NME8: variants seen among roughly 807,000 people sequenced by gnomAD.
NME8 encodes NME/NM23 family member 8.
NME8 carries 72 observed loss-of-function variants against 82.3 expected under a neutral mutation model. The observed-to-expected ratio is 0.87, with a 90% confidence interval of 0.72 to 1.06. NME8 has a LOEUF of 1.06. Among genes scored for constraint, NME8 ranks in the 50% least tolerant of loss-of-function variants. NME8 has a pLI of 0.00. For missense variants in NME8, 712 were observed against 685.4 expected, an observed-to-expected ratio of 1.04 and a Z score of -0.43; for synonymous variants, 267 against 228.5, an observed-to-expected ratio of 1.17 and a Z score of -1.52.
intron 6 of NME8, among the ~76,000 whole-genome samples, chr7:37,860,161 T>C (rs1403549596): frequency 6.6e-6 from 1 of 152,248 alleles, no homozygotes; most frequent in Non-Finnish European, 1.5e-5. Flanking sequence ...CATTGGCTTT[T>C]GAATATGATT....
At chr7:37,863,141 T>A (rs11761783) in intron 7 of NME8, among the ~76,000 whole-genome samples, 4 of 152,076 alleles carry the variant, frequency 2.6e-5, no homozygotes, top group East Asian at 3.9e-4. Flanking sequence ...AAAAAAAATT[T>A]AAAAAATTAA....
intron 5 of NME8, among the ~76,000 whole-genome samples, chr7:37,851,251 C>T (rs1456808374): frequency 2.0e-5 from 3 of 152,184 alleles, no homozygotes; most frequent in Admixed American, 6.5e-5. Flanking sequence ...ATTAGAATTT[C>T]GTTGTCCAAC....
chr7:37,882,416 G>A (rs1432127064), intron 12 of NME8, among the ~76,000 whole-genome samples: 1 of 151,960 alleles, frequency 6.6e-6, no homozygotes, highest in African/African-American at 2.4e-5. Context: ...GAACCTGGAA[G>A]GTGGAGGTTG....
intron 12 of NME8, among the ~76,000 whole-genome samples, chr7:37,882,587 G>A (rs1784969361): frequency 1.5e-5 from 1 of 68,918 alleles, no homozygotes; most frequent in South Asian, 7.1e-4. Context: ...AAGAAAGAAA[G>A]AAAGAAAGAA....
chr7:37,863,502 T>A, intron 8 of NME8, 40 bp downstream of exon 8: 1 of 1,176,062 alleles, frequency 8.5e-7, no homozygotes, highest in Non-Finnish European at 1.3e-6. Context: ...GGGTTTTCTG[T>A]ACGTGGGCGG....
chr7:37,897,681 A>G (rs1026604016), intron 17 of NME8, among the ~76,000 whole-genome samples: 1 of 147,642 alleles, frequency 6.8e-6, no homozygotes, highest in African/African-American at 2.5e-5. Flanking sequence ...CCACCCCCCA[A>G]CAGGCCCTGA....
At chr7:37,899,134 C>T (rs983071809) in intron 17 of NME8, among the ~76,000 whole-genome samples, 2 of 152,106 alleles carry the variant, frequency 1.3e-5, no homozygotes, top group African/African-American at 2.4e-5. Flanking sequence ...GCTGATTCCT[C>T]GAAGACCTGG....
intron 5 of NME8, among the ~76,000 whole-genome samples, chr7:37,856,545 C>A (rs1784513856): frequency 6.6e-6 from 1 of 152,160 alleles, no homozygotes; most frequent in South Asian, 2.1e-4. Context: ...AAGACCCTAC[C>A]AAACGATCTC....
chr7:37,865,573 A>G lies in NME8; in HGVS notation c.577A>G (p.Thr193Ala). 1 of 1,613,604 alleles carries G rather than the reference A, an allele frequency of 6.2e-7. No individual in the cohort carries two copies. The change falls in exon 10 of 18, where the codon ACT becomes GCT. Residue 193 changes from threonine to alanine, a missense_variant. Thr to Ala is a moderately conservative substitution (Grantham distance 58). Transcript: ENST00000199447. ...IIEAEHKTVLTEEQVVNFYSR... is the reference protein window; with the variant it reads ...IIEAEHKTVLAEEQVVNFYSR... ...AGAAGCAGAGCATAAGACAGTGCTCACTGAAGAACAAGTTGTCAACTTCTA... is the reference window on the plus strand; with the variant it reads ...AGAAGCAGAGCATAAGACAGTGCTCGCTGAAGAACAAGTTGTCAACTTCTA...
intron 17 of NME8, among the ~76,000 whole-genome samples, chr7:37,898,353 A>G (rs1007881907): frequency 6.6e-6 from 1 of 152,218 alleles, no homozygotes; most frequent in Non-Finnish European, 1.5e-5. Context: ...TATTTAACCC[A>G]TCAGTTCTAT....
At chr7:37,863,187 A>G (rs1049172366) in intron 7 of NME8, among the ~76,000 whole-genome samples, 4 of 152,184 alleles carry the variant, frequency 2.6e-5, no homozygotes, top group Non-Finnish European at 5.9e-5. Flanking sequence ...CATATGCATT[A>G]TTCCTGCCCC....
At chr7:37,899,446 A>G (rs915030661) in intron 17 of NME8, among the ~76,000 whole-genome samples, 2 of 152,096 alleles carry the variant, frequency 1.3e-5, no homozygotes, top group Non-Finnish European at 2.9e-5. Context: ...CAAACACCGC[A>G]TGTTCTCACT....
chr7:37,895,960 A>G (rs570763525), intron 16 of NME8, among the ~76,000 whole-genome samples: 2 of 152,316 alleles, frequency 1.3e-5, no homozygotes, highest in East Asian at 3.9e-4. Context: ...TTGCACTACA[A>G]TGAAATAACC....
chr7:37,875,780 G>T (rs1050461735), intron 11 of NME8, among the ~76,000 whole-genome samples: 14 of 151,930 alleles, frequency 9.2e-5, no homozygotes, highest in Admixed American at 3.3e-4. Flanking sequence ...AAAAATTGTG[G>T]CCCCACCAAC....
In NME8 at chr7:37,894,607, CT is replaced by C. The variant is rs1785190301; in HGVS notation, c.1542del (p.Val515TrpfsTer7). 6.3e-7 allele frequency: 1 copy of C among 1,586,902 alleles called. No homozygotes were observed. Among genetic ancestry groups the C allele is most frequent in the Non-Finnish European group, 8.6e-7 (1 of 1,156,958 alleles). ...TATAAAGATTTATTGGAAATGTTAT[CT>C]GTGTAAGTTTCTGATACATAATTGT... ...DFYKDLLEML[S>X]VGPSMVMILT... On this transcript the variant is annotated frameshift_variant and splice_region_variant, in exon 16 of 18. Coordinates refer to ENST00000199447, the MANE Select transcript of NME8 (RefSeq NM_016616.5). LOFTEE classifies it high-confidence loss of function.
intron 7 of NME8, 135 bp downstream of exon 7, chr7:37,862,279 T>A (rs1436568897): frequency 5.7e-6 from 4 of 701,994 alleles, no homozygotes; most frequent in Non-Finnish European, 1.0e-5. Flanking sequence ...AAAAGTACAT[T>A]ACCTTTTATT....
chr7:37,894,066 G>A (rs149171214), intron 15 of NME8, among the ~76,000 whole-genome samples: 4 of 152,202 alleles, frequency 2.6e-5, no homozygotes, highest in East Asian at 3.9e-4. Flanking sequence ...TAATTCCCTC[G>A]ATGGTACTCT....
chr7:37,864,336 AT>A lies in NME8; in HGVS notation c.455-5del, dbSNP rs771756299. ...AAAATGAAATTCTGTCTTTTTCTAA[AT>A]TTTTTTCCAGAGGAATTATACAGTA... On this transcript the variant is annotated splice_polypyrimidine_tract_variant and intron_variant, in intron 8 of 17. Coordinates refer to ENST00000199447, the MANE Select transcript of NME8 (RefSeq NM_016616.5). The A allele has an allele frequency of 6.3e-7, 1 of 1,592,200 alleles. No individual in the cohort carries two copies. The highest frequency in any genetic ancestry group is 8.6e-7 in the Non-Finnish European group (1 of 1,164,362).
chr7:37,857,729 G>T (rs1784533616), intron 6 of NME8, among the ~76,000 whole-genome samples: 1 of 152,204 alleles, frequency 6.6e-6, no homozygotes, highest in Non-Finnish European at 1.5e-5. Flanking sequence ...TGTATGATCA[G>T]TCTTTTGTAA....
Sources: gnomAD v4.1 joint callset for allele counts (sites outside exome capture counted in the v4.1 genomes callset) on GRCh38, gnomAD v4.1.1 for gene constraint, MANE v1.5 for transcripts, NCBI Gene and HGNC (gene_info 2026-07-23, HGNC 2026-07-21) for gene names.